Variants in LRP1B observed in about 807,000 individuals in gnomAD.
LRP1B encodes the protein low-density lipoprotein receptor-related protein 1B.
In LRP1B, 217 loss-of-function variants were observed where a neutral mutation model predicts 556.6. The observed-to-expected ratio is 0.39, with a 90% CI of 0.35 to 0.44. LRP1B has a LOEUF of 0.44. Ranked by LOEUF, LRP1B falls within the 20% of genes least tolerant of loss-of-function variation. The pLI is 1.00. For missense variants in LRP1B, 5,053 were observed against 5,620.8 expected, an observed-to-expected ratio of 0.90 and a Z score of 3.23; for synonymous variants, 2,047 against 1,865.8, an observed-to-expected ratio of 1.10 and a Z score of -2.50.
chr2:141,371,681 T>C (rs1197598363), intron 3 of LRP1B, among the ~76,000 whole-genome samples: 1 of 152,192 alleles, frequency 6.6e-6, no homozygotes, highest in Non-Finnish European at 1.5e-5. Context: ...ATTATTAGTA[T>C]ATAGAAATGT....
At chr2:141,021,996 A>G (rs1328114335) in intron 11 of LRP1B, among the ~76,000 whole-genome samples, 13 of 151,882 alleles carry the variant, frequency 8.6e-5, no homozygotes, top group Non-Finnish European at 1.2e-4. Context: ...TAAGGGTACT[A>G]CTTGATAGGA....
At chr2:140,831,309 C>T (rs571122367) in intron 31 of LRP1B, among the ~76,000 whole-genome samples, 28 of 152,064 alleles carry the variant, frequency 1.8e-4, no homozygotes, top group African/African-American at 4.1e-4. Context: ...CGGCATGGTG[C>T]GATATAAAAA....
rs370337108 is a variant in LRP1B, at chr2:141,300,686, G to A, written c.344-46045C>T. Among the ~76,000 whole-genome samples the A allele has an allele frequency of 4.6e-5, 7 of 152,110 alleles. No homozygotes were observed. In the East Asian group the frequency reaches 1.2e-3, roughly 25 times the overall value. On this transcript the variant is annotated intron_variant, in intron 3 of 90. Transcript: ENST00000389484. ...TATGCAGCATTCCCCCGCCCCTCTC[G>A]CTCTTGCTCTGGCTGTGTAGGACGT... is the stretch of plus-strand genomic sequence containing the variant.
intron 23 of LRP1B, among the ~76,000 whole-genome samples, chr2:140,894,196 T>C (rs1220534288): frequency 6.6e-6 from 1 of 152,220 alleles, no homozygotes; most frequent in East Asian, 1.9e-4. Context: ...CTTTATTTTT[T>C]ATCTTGACCC....
chr2:141,802,564 C>T (rs1267394306), intron 2 of LRP1B, among the ~76,000 whole-genome samples: 1 of 151,900 alleles, frequency 6.6e-6, no homozygotes, highest in African/African-American at 2.4e-5. Flanking sequence ...ACTGAAAATT[C>T]CATAGGCAGA....
intron 41 of LRP1B, among the ~76,000 whole-genome samples, chr2:140,602,601 C>A (rs1230848035): frequency 6.6e-6 from 1 of 151,964 alleles, no homozygotes; most frequent in African/African-American, 2.4e-5. Context: ...TAGGAACTAT[C>A]CAGCTGCTAT....
chr2:140,804,993 A>G (rs1690661689), intron 32 of LRP1B, among the ~76,000 whole-genome samples: 1 of 152,082 alleles, frequency 6.6e-6, no homozygotes, highest in Non-Finnish European at 1.5e-5. Context: ...CTTAAGGGTT[A>G]TGTTTGCTAA....
intron 66 of LRP1B, among the ~76,000 whole-genome samples, chr2:140,435,989 T>TCACA (rs955672409): frequency 2.0e-5 from 3 of 150,260 alleles, no homozygotes; most frequent in Admixed American, 1.3e-4. Context: ...TCTCTCTCTC[T>TCACA]CACACACACA....
rs1553524111 is a variant in LRP1B at position 141,510,236 on chromosome 2, C to CACACACACACA, written c.206-29704_206-29703insTGTGTGTGTGT. Among the ~76,000 whole-genome samples, 932 of 132,212 alleles carry CACACACACACA rather than the reference C, an allele frequency of 7.0e-3. 12 individuals carry two copies. Among genetic ancestry groups the CACACACACACA allele is most frequent in the East Asian group, 0.019 (86 of 4,640 alleles). The allele number at this position is 132,212 out of a possible 152,430, so 86.7% of individuals were successfully genotyped here. ...CACACACACACACACACACACACACCCCCCACAGTCATTTGATGATATTTC... is the reference window on the plus strand; with the variant it reads ...CACACACACACACACACACACACACCACACACACACACCCCACAGTCATTTGATGATATTTC... On this transcript the variant is annotated intron_variant, in intron 2 of 90. Coordinates refer to ENST00000389484, the MANE Select transcript of LRP1B (RefSeq NM_018557.3).
At chr2:141,969,507 C>A (rs768914768) in intron 1 of LRP1B, among the ~76,000 whole-genome samples, 1 of 151,640 alleles carries the variant, frequency 6.6e-6, no homozygotes, top group Non-Finnish European at 1.5e-5. Context: ...TGAAAACACA[C>A]AGCATTTGTC....
chr2:140,661,765 A>G (rs1307375437), intron 41 of LRP1B, among the ~76,000 whole-genome samples: 2 of 152,218 alleles, frequency 1.3e-5, no homozygotes, highest in East Asian at 1.9e-4. Flanking sequence ...AATACTTATT[A>G]AAGTTTTAGG....
At chr2:140,942,381 A>G (rs951682859) in intron 20 of LRP1B, among the ~76,000 whole-genome samples, 1 of 152,190 alleles carries the variant, frequency 6.6e-6, no homozygotes, top group African/African-American at 2.4e-5. Context: ...GATATAGTCC[A>G]TGAAAATTTC....
At chr2:142,106,913 G>A (rs1162963005) in intron 1 of LRP1B, among the ~76,000 whole-genome samples, 3 of 151,044 alleles carry the variant, frequency 2.0e-5, no homozygotes, top group Non-Finnish European at 4.4e-5. Flanking sequence ...ATAATTAATG[G>A]GACAAATATA....
rs769367883 is a variant in LRP1B at position 140,495,540 on chromosome 2, T to A, written c.9034+25A>T. 1.5e-5 allele frequency: 23 copies of A among 1,555,438 alleles called. No homozygotes were observed. The Admixed American group carries it at 3.9e-4, about 26-fold the overall frequency. On this transcript the variant is annotated intron_variant, in intron 56 of 90. Transcript: ENST00000389484. ...ATCCATATGTATAACTGAGGTTGGA[T>A]CAGTGGGCAAGTTCAATTCGATACC...
chr2:141,028,658 A>C (rs1276576440), intron 11 of LRP1B, among the ~76,000 whole-genome samples: 2 of 152,144 alleles, frequency 1.3e-5, no homozygotes, highest in South Asian at 4.1e-4. Context: ...TGTTTCTTAT[A>C]TTAGAACAAA....
rs1269182146 is a variant in LRP1B, at chr2:141,062,197, T to A, written c.1090A>T (p.Ile364Leu). 10 of 1,611,796 alleles carry A rather than the reference T, an allele frequency of 6.2e-6. No individual in the cohort carries two copies. In the African/African-American group the frequency reaches 6.7e-5, roughly 11 times the overall value. The change falls in exon 8 of 91, where the codon ATA (isoleucine) becomes TTA (leucine). Residue 364 changes from isoleucine to leucine, a missense_variant. Physicochemically the swap from Ile to Leu is conservative, Grantham distance 5. This residue lies in a region of LRP1B where 3,619 missense variants were observed against 3,931.9 expected (regional missense o/e 0.92). Transcript: ENST00000389484. Reference sequence around the variant, plus strand: ...GGCTGCTCTGTCTTTGAATCAATTATCCTTGTTCGGTTCATCCCATCCATG... The same window carrying A: ...GGCTGCTCTGTCTTTGAATCAATTAACCTTGTTCGGTTCATCCCATCCATG... The part of the protein sequence containing the change: ...CDMDGMNRTR[I>L]IDSKTEQPAA...
At chr2:141,545,968 A>T (rs1435282018) in intron 2 of LRP1B, among the ~76,000 whole-genome samples, 1 of 152,166 alleles carries the variant, frequency 6.6e-6, no homozygotes, top group Non-Finnish European at 1.5e-5. Flanking sequence ...TATTTGTGTG[A>T]TATAAGCCAT....
At chr2:141,667,863 G>T (rs937286803) in intron 2 of LRP1B, among the ~76,000 whole-genome samples, 1 of 152,156 alleles carries the variant, frequency 6.6e-6, no homozygotes, top group African/African-American at 2.4e-5. Context: ...TTTATAGAAA[G>T]AATGGATGGA....
intron 2 of LRP1B, among the ~76,000 whole-genome samples, chr2:141,533,462 C>G (rs898115611): frequency 3.3e-5 from 5 of 152,158 alleles, no homozygotes; most frequent in African/African-American, 1.2e-4. Flanking sequence ...CACACAGGTG[C>G]ATTTAGGTAA....
Sources: allele counts gnomAD v4.1 joint callset (sites outside exome capture counted in the v4.1 genomes callset), GRCh38; gene constraint gnomAD v4.1.1; regional missense constraint gnomAD v4.1.1; transcripts MANE v1.5; gene names NCBI Gene and HGNC (gene_info 2026-07-23, HGNC 2026-07-21).